KCNJ6: variants seen among roughly 807,000 people sequenced by gnomAD.
The protein encoded by KCNJ6 is potassium inwardly rectifying channel subfamily J member 6, also known as G protein-activated inward rectifier potassium channel 2.
Under a neutral mutation model 34.2 loss-of-function variants are expected in KCNJ6, and 9 were observed. The observed-to-expected ratio is 0.26, with a 90% CI of 0.16 to 0.46. KCNJ6 has a LOEUF of 0.46. Among genes scored for constraint, KCNJ6 ranks in the 20% least tolerant of loss-of-function variants. The probability of loss-of-function intolerance (pLI) is 1.00; values close to 1 mark genes in which losing one functional copy is unlikely to be tolerated. For synonymous variants in KCNJ6, 196 were observed against 207.1 expected (o/e 0.95, Z 0.46); for missense variants, 236 against 531.3 (o/e 0.44, Z 5.46).
intron 2 of KCNJ6, among the ~76,000 whole-genome samples, chr21:37,829,871 A>G (rs1422294710): frequency 6.6e-6 from 1 of 152,228 alleles, no homozygotes; most frequent in Non-Finnish European, 1.5e-5. Flanking sequence ...TCCATTACCA[A>G]TAACTTGGAA....
intron 3 of KCNJ6, among the ~76,000 whole-genome samples, chr21:37,645,742 G>A (rs762670937): frequency 3.5e-4 from 53 of 152,120 alleles, no homozygotes; most frequent in Non-Finnish European, 6.9e-4. Context: ...TCCTTTGGTG[G>A]TAGCTACTAG....
chr21:37,740,034 C>A (rs906956074), intron 2 of KCNJ6, among the ~76,000 whole-genome samples: 19 of 152,130 alleles, frequency 1.2e-4, no homozygotes, highest in African/African-American at 4.3e-4. Context: ...CCCATGACTC[C>A]AGTGTGGCTT....
chr21:37,657,632 C>G (rs998482600), intron 3 of KCNJ6, among the ~76,000 whole-genome samples: 1 of 152,152 alleles, frequency 6.6e-6, no homozygotes, highest in Non-Finnish European at 1.5e-5. Context: ...CAGCTGGGAT[C>G]GTTGGGTGCC....
At chr21:37,777,944 C>T (rs955318688) in intron 2 of KCNJ6, among the ~76,000 whole-genome samples, 3 of 152,196 alleles carry the variant, frequency 2.0e-5, no homozygotes, top group African/African-American at 7.2e-5. Flanking sequence ...GGCAGGAGCC[C>T]AGGACATCCT....
At chr21:37,861,584 A>G (rs527870294) in intron 1 of KCNJ6, among the ~76,000 whole-genome samples, 1 of 152,320 alleles carries the variant, frequency 6.6e-6, no homozygotes, top group South Asian at 2.1e-4. Flanking sequence ...GGGTTGCGAC[A>G]TGGTTAGCCC....
rs1408370652 is a variant in KCNJ6, at chr21:37,675,740, C to T, written c.946+38471G>A. ...GCAAGCAGGCTCTTATAGACTCTTA[C>T]ACCAAAAGAAGAATTTGGAGGTCCA... On this transcript the variant is annotated intron_variant, in intron 3 of 3. Coordinates refer to ENST00000609713, the MANE Select transcript of KCNJ6 (RefSeq NM_002240.5). The surrounding 1 kb of genome is among the most constrained non-coding windows in gnomAD (Gnocchi z 4.2). Among the ~76,000 whole-genome samples, 1 of 152,248 alleles carries T rather than the reference C, an allele frequency of 6.6e-6. No homozygotes were observed. Among genetic ancestry groups the T allele is most frequent in the Admixed American group, 6.5e-5 (1 of 15,290 alleles).
At chr21:37,870,990 A>AT (rs1189902472) in intron 1 of KCNJ6, among the ~76,000 whole-genome samples, 3 of 151,906 alleles carry the variant, frequency 2.0e-5, no homozygotes, top group Non-Finnish European at 2.9e-5. Context: ...ATCTACCCAG[A>AT]TTTTTTTTGG....
At chr21:37,626,130 C>CTTTTT (rs10649366) in intron 3 of KCNJ6, among the ~76,000 whole-genome samples, 3 of 143,038 alleles carry the variant, frequency 2.1e-5, no homozygotes, top group Non-Finnish European at 1.5e-5. Context: ...TTTCCCCCTT[C>CTTTTT]TTTTTTTTTT....
chr21:37,905,529 T>A lies in KCNJ6; in HGVS notation c.-28+10355A>T, dbSNP rs966664144. ...GGGTTCCTCATAGGAAAGCCCTCTT[T>A]CTCCTGGGAAAACCTTACTAAGCAC... On this transcript the variant is annotated intron_variant, in intron 1 of 3. Transcript: ENST00000609713. 4.6e-5 allele frequency among the ~76,000 whole-genome samples: 7 copies of A among 152,176 alleles called. No individual in the cohort carries two copies. In the South Asian group the frequency reaches 6.2e-4, roughly 14 times the overall value.
intron 2 of KCNJ6, among the ~76,000 whole-genome samples, chr21:37,784,041 A>G (rs1230907185): frequency 6.6e-6 from 1 of 152,154 alleles, no homozygotes; most frequent in Non-Finnish European, 1.5e-5. Context: ...TTAGCCACTC[A>G]GTTTGGGGTA....
At chr21:37,748,331 G>T (rs188425663) in intron 2 of KCNJ6, among the ~76,000 whole-genome samples, 24 of 152,274 alleles carry the variant, frequency 1.6e-4, no homozygotes, top group African/African-American at 5.1e-4. Flanking sequence ...TATGTTAATT[G>T]CCGCAGAACT....
chr21:37,735,584 T>C (rs1027437587), intron 2 of KCNJ6, among the ~76,000 whole-genome samples: 2 of 152,158 alleles, frequency 1.3e-5, no homozygotes, highest in Non-Finnish European at 2.9e-5. Flanking sequence ...AGTATCCACA[T>C]TGGGCTCCAC....
chr21:37,888,906 C>A (rs968445511), intron 1 of KCNJ6, among the ~76,000 whole-genome samples: 2 of 152,184 alleles, frequency 1.3e-5, no homozygotes, highest in African/African-American at 4.8e-5. Flanking sequence ...AGACTGAGGT[C>A]ATCAAGGTAT....
At chr21:37,831,824 C>G (rs776160280) in intron 2 of KCNJ6, among the ~76,000 whole-genome samples, 15 of 152,040 alleles carry the variant, frequency 9.9e-5, no homozygotes, top group Non-Finnish European at 2.2e-4. Flanking sequence ...GGCGGTCTTG[C>G]GGGGAGAGAC....
chr21:37,816,159 G>A (rs1408466175), intron 2 of KCNJ6, among the ~76,000 whole-genome samples: 1 of 152,210 alleles, frequency 6.6e-6, no homozygotes, highest in Non-Finnish European at 1.5e-5. Context: ...CAGGACTGGG[G>A]AGTCCAATGC....
At chr21:37,757,714 G>A (rs1039316517) in intron 2 of KCNJ6, among the ~76,000 whole-genome samples, 1 of 151,788 alleles carries the variant, frequency 6.6e-6, no homozygotes, top group Admixed American at 6.6e-5. Context: ...AGCCCGGAGT[G>A]AGCACTCCCT....
intron 2 of KCNJ6, among the ~76,000 whole-genome samples, chr21:37,830,669 C>A (rs2055421421): frequency 1.3e-5 from 2 of 152,078 alleles, no homozygotes; most frequent in African/African-American, 2.4e-5. Flanking sequence ...TCTTACCAAC[C>A]AAGTAAGGGA....
Position 37,777,297 on chromosome 21 carries a change from C to T in KCNJ6, c.26-62166G>A, listed in dbSNP as rs1483034280. 2.6e-5 allele frequency among the ~76,000 whole-genome samples: 4 copies of T among 152,074 alleles called. No individual in the cohort carries two copies. The East Asian group carries it at 7.7e-4, about 29-fold the overall frequency. On this transcript the variant is annotated intron_variant, in intron 2 of 3. Coordinates refer to ENST00000609713, the MANE Select transcript of KCNJ6 (RefSeq NM_002240.5). Reference sequence around the variant, plus strand: ...AATTTTGTTAGCATGCCTCCCGCACCCTTTATCAAACAGGGGCATTTCTGT... The same window carrying T: ...AATTTTGTTAGCATGCCTCCCGCACTCTTTATCAAACAGGGGCATTTCTGT...
At chr21:37,665,425 G>A (rs2054509591) in intron 3 of KCNJ6, among the ~76,000 whole-genome samples, 1 of 152,200 alleles carries the variant, frequency 6.6e-6, no homozygotes, top group African/African-American at 2.4e-5. Context: ...TAAACATTTA[G>A]CAATTGGCAG....
Sources: gnomAD v4.1 joint callset for allele counts (sites outside exome capture counted in the v4.1 genomes callset) on GRCh38, gnomAD v4.1.1 for gene constraint, Gnocchi (gnomAD v3.1) non-coding constraint, MANE v1.5 for transcripts, NCBI Gene and HGNC (gene_info 2026-07-23, HGNC 2026-07-21) for gene names.